Variants in ALDH7A1 observed in about 807,000 individuals in gnomAD.
ALDH7A1 encodes the protein alpha-aminoadipic semialdehyde dehydrogenase.
ALDH7A1 carries 63 observed loss-of-function variants against 79.9 expected under a neutral mutation model. That is an observed-to-expected ratio of 0.79 (90% CI 0.64 to 0.97). ALDH7A1 has a LOEUF of 0.97. ALDH7A1 is among the 50% of genes least tolerant of loss of function. The pLI, the probability that ALDH7A1 is intolerant of heterozygous loss-of-function variation, is 0.00. For missense variants in ALDH7A1, 627 were observed against 665.2 expected (o/e 0.94, Z 0.63); for synonymous variants, 240 against 231.2 (o/e 1.04, Z -0.34).
chr5:126,588,149 T>C (rs1379675702), intron 3 of ALDH7A1: 2 of 152,116 alleles, frequency 1.3e-5, no homozygotes, highest in Admixed American at 6.6e-5. Context: ...AAGATCATAA[T>C]GTCAGCTGGC....
chr5:126,586,992 T>A (rs1350469433), intron 3 of ALDH7A1: 1 of 151,650 alleles, frequency 6.6e-6, no homozygotes, highest in South Asian at 2.1e-4. Context: ...GGCAGGAGAA[T>A]CACTTGAACC....
At chr5:126,555,112 G>A (rs188914281) in intron 12 of ALDH7A1, 70 of 156,808 alleles carry the variant, frequency 4.5e-4, no homozygotes, top group African/African-American at 1.1e-3. Context: ...GAAGGCAAGC[G>A]GGGCAGGAGG....
chr5:126,590,062 C>T (rs1021534077), intron 3 of ALDH7A1, among the ~76,000 whole-genome samples: 3 of 147,000 alleles, frequency 2.0e-5, no homozygotes, highest in Non-Finnish European at 4.5e-5. Context: ...AAGTGAAGAG[C>T]GCCTCTGCCC....
At chr5:126,559,430 TTTGG>T (rs1357783844) in intron 10 of ALDH7A1, 96 bp from the exon 11 acceptor site, 274 of 741,220 alleles carry the variant, frequency 3.7e-4, no homozygotes, top group Middle Eastern at 2.3e-3. Context: ...TGTTTTTGGT[TTTGG>T]TTTTTTTTTT....
intron 9 of ALDH7A1, chr5:126,564,390 C>T: frequency 2.1e-6 from 1 of 466,610 alleles, no homozygotes. Flanking sequence ...TCAGGCAATT[C>T]ACCCACCTCA....
intron 13 of ALDH7A1, among the ~76,000 whole-genome samples, chr5:126,552,891 A>G (rs1419965526): frequency 6.6e-6 from 1 of 152,062 alleles, no homozygotes. Flanking sequence ...CTAGCACTAC[A>G]TGTGCATGCC....
intron 3 of ALDH7A1, among the ~76,000 whole-genome samples, chr5:126,589,215 T>C (rs375998749): frequency 6.6e-6 from 1 of 152,240 alleles, no homozygotes; most frequent in East Asian, 1.9e-4. Flanking sequence ...TGGGGTGCAA[T>C]GGCTCAATCT....
In ALDH7A1 at chr5:126,570,832, G is replaced by A; in HGVS notation, c.723C>T (p.Asn241=). The change falls in exon 8 of 18, where the codon AAC becomes AAT. Residue 241 remains asparagine, a synonymous_variant. Transcript: ENST00000409134. ...TKIIAKVLED[N]KLPGAICSLT... ...AGGAACAAATTGCACCAGGCAGCTTGTTGTCCTCCAGAACCTTGGCTATTA... is the reference window on the plus strand; with the variant it reads ...AGGAACAAATTGCACCAGGCAGCTTATTGTCCTCCAGAACCTTGGCTATTA... 24 of 1,613,964 alleles carry A rather than the reference G, an allele frequency of 1.5e-5. No individual in the cohort carries two copies. Among genetic ancestry groups the A allele is most frequent in the Non-Finnish European group, 1.9e-5 (23 of 1,179,900 alleles).
chr5:126,565,364 G>A (rs1561657707), intron 9 of ALDH7A1, among the ~76,000 whole-genome samples: 1 of 119,402 alleles, frequency 8.4e-6, no homozygotes, highest in Non-Finnish European at 1.6e-5. Context: ...CTGCACTCCA[G>A]CCTGGGCAAC....
chr5:126,563,631 C>T (rs1750473304), intron 9 of ALDH7A1, among the ~76,000 whole-genome samples: 1 of 152,108 alleles, frequency 6.6e-6, no homozygotes, highest in African/African-American at 2.4e-5. Flanking sequence ...GCTGGGACTA[C>T]AGGCATGCAC....
chr5:126,593,632 CAATATT>C (rs1359628675), intron 1 of ALDH7A1: 5 of 624,638 alleles, frequency 8.0e-6, no homozygotes, highest in African/African-American at 1.8e-5. Context: ...TCTGACATCT[CAATATT>C]AGGCATATAA....
chr5:126,545,000 C>G lies in ALDH7A1; in HGVS notation c.1585G>C (p.Asp529His). The G allele has an allele frequency of 6.2e-7, 1 of 1,609,992 alleles. No homozygotes were observed. ...TTGATTCCTTGGGCCAGAGGAAGGT[C>G]TTTACTGTAGTTGATAGTACTAGTG... ...RSTCTINYSK[D>H]LPLAQGIKFQ is the part of the protein sequence containing the mutation. Residue 529 changes from aspartate (D) to histidine (H), a missense_variant, in exon 18 of 18, where the codon GAC becomes CAC. By Grantham distance (81) the Asp-to-His change is moderately conservative (BLOSUM62 -1). Transcript: ENST00000409134.
intron 6 of ALDH7A1, 33 bp downstream of exon 6, chr5:126,577,046 T>A (rs1468899178): frequency 6.2e-7 from 1 of 1,612,900 alleles, no homozygotes; most frequent in Admixed American, 1.7e-5. Context: ...TTTTTATCAC[T>A]CACTACTAAA....
At chr5:126,557,443 C>T (rs895751618) in intron 11 of ALDH7A1, among the ~76,000 whole-genome samples, 1 of 151,738 alleles carries the variant, frequency 6.6e-6, no homozygotes, top group African/African-American at 2.4e-5. Context: ...AAAAATTAGC[C>T]AGGCACGGTG....
rs1193381136 is a variant in ALDH7A1 at position 126,543,579 on chromosome 5, C to G, written c.*1386G>C. The G allele has an allele frequency of 6.6e-6, 1 of 152,168 alleles. No individual in the cohort carries two copies. Among genetic ancestry groups the G allele is most frequent in the Non-Finnish European group, 1.5e-5 (1 of 68,026 alleles). The allele number at this position is 152,168 out of a possible 1,614,324, so 9.4% of individuals were successfully genotyped here. A position where few individuals can be genotyped will look rare whatever the true frequency, so the allele number is the denominator to read the frequency against. On this transcript the variant is annotated 3_prime_UTR_variant, in exon 18 of 18. Transcript: ENST00000409134. ...TTTTCATTTGCTTACTTCTCTGGGC[C>G]ATAATTCAACCCCAAATTATTTGCC...
At chr5:126,581,995 T>G in intron 5 of ALDH7A1, 1 of 390,310 alleles carries the variant, frequency 2.6e-6, no homozygotes. Flanking sequence ...AAAAAATGTA[T>G]AGTTTGCTAC....
intron 16 of ALDH7A1, among the ~76,000 whole-genome samples, chr5:126,546,723 CAT>C (rs1581352713): frequency 6.6e-6 from 1 of 151,706 alleles, no homozygotes; most frequent in Non-Finnish European, 1.5e-5. Flanking sequence ...CCAGCCCACA[CAT>C]GTTATTCATA....
At chr5:126,593,920 G>A (rs917305605) in intron 1 of ALDH7A1, 1 of 265,094 alleles carries the variant, frequency 3.8e-6, no homozygotes, top group African/African-American at 2.2e-5. Flanking sequence ...ATGAAACACC[G>A]AGGTCTGAGG....
At chr5:126,578,552 C>T (rs981153859) in intron 5 of ALDH7A1, among the ~76,000 whole-genome samples, 1 of 148,502 alleles carries the variant, frequency 6.7e-6, no homozygotes, top group African/African-American at 2.5e-5. Context: ...CTGAGGAGAA[C>T]TGCTTGAGCC....
Sources: gnomAD v4.1 joint callset for allele counts (sites outside exome capture counted in the v4.1 genomes callset) on GRCh38, gnomAD v4.1.1 for gene constraint, MANE v1.5 for transcripts, NCBI Gene and HGNC (gene_info 2026-07-23, HGNC 2026-07-21) for gene names.